AQR: variants seen among roughly 807,000 people sequenced by gnomAD.
AQR encodes the protein RNA helicase aquarius.
AQR carries 61 observed loss-of-function variants against 180.5 expected under a neutral mutation model. That is an observed-to-expected ratio of 0.34 (90% CI 0.28 to 0.42). The LOEUF (loss-of-function observed/expected upper bound fraction) is 0.42, where lower values mean the gene tolerates loss of function less well. AQR is among the 10% of genes least tolerant of loss of function. AQR has a pLI of 1.00. For synonymous variants in AQR, 551 were observed against 588.8 expected (o/e 0.94, Z 0.93); for missense variants, 1,281 against 1,798.3 (o/e 0.71, Z 5.20).
chr15:34,958,111 G>A (rs1244326230), intron 3 of AQR, among the ~76,000 whole-genome samples: 1 of 152,168 alleles, frequency 6.6e-6, no homozygotes, highest in Non-Finnish European at 1.5e-5. Context: ...GGGAGGCTGA[G>A]GCAGGGGAAT....
chr15:34,959,234 C>G (rs1894379859), intron 3 of AQR, among the ~76,000 whole-genome samples: 1 of 152,206 alleles, frequency 6.6e-6, no homozygotes, highest in Non-Finnish European at 1.5e-5. Context: ...ACAACTGTGG[C>G]TCACTGAACC....
Position 34,900,783 on chromosome 15 carries a change from A to G in AQR, c.2082T>C (p.Tyr694=), listed in dbSNP as rs373686197. Residue 694 remains tyrosine (Y), a synonymous_variant, in exon 20 of 35, where the codon TAT becomes TAC. Coordinates refer to ENST00000156471, the MANE Select transcript of AQR (RefSeq NM_014691.3). ...AATAATGTGCACTACTTGGGTCCCC[A>G]TAACCTAAAATGATATCGTGCAGCC... ...PDWLHDIILG[Y]GDPSSAHYSK... 7.0e-5 allele frequency: 113 copies of G among 1,614,088 alleles called. No homozygotes were observed. The highest frequency in any genetic ancestry group is 8.9e-5 in the Non-Finnish European group (105 of 1,180,028).
intron 32 of AQR, among the ~76,000 whole-genome samples, chr15:34,866,166 T>A (rs1402111642): frequency 6.6e-6 from 1 of 152,108 alleles, no homozygotes; most frequent in Non-Finnish European, 1.5e-5. Context: ...TATGAAAGAT[T>A]AGCTTTCTAA....
chr15:34,934,605 C>T lies in AQR; in HGVS notation c.749G>A (p.Cys250Tyr). 6.3e-7 allele frequency: 1 copy of T among 1,585,952 alleles called. No individual in the cohort carries two copies. The highest frequency in any genetic ancestry group is 8.5e-7 in the Non-Finnish European group (1 of 1,169,618). Residue 250 changes from cysteine to tyrosine, a missense_variant, in exon 10 of 35, where the codon TGT becomes TAT. By Grantham distance (194) the Cys-to-Tyr change is radical. This residue lies in a region of AQR where 404 missense variants were observed against 490.9 expected (regional missense o/e 0.82). Transcript: ENST00000156471. ...EPVTMDKVHY[C>Y]ERFIELMIDL... ...AATCATAAGTTCAATGAATCTTTCACAGTAATGAACTTTGTCCATAGTGAC... is the reference window on the plus strand; with the variant it reads ...AATCATAAGTTCAATGAATCTTTCATAGTAATGAACTTTGTCCATAGTGAC...
At chr15:34,874,114 T>A in intron 29 of AQR, 115 bp from the exon 30 acceptor site, 1 of 1,105,174 alleles carries the variant, frequency 9.0e-7, no homozygotes, top group Non-Finnish European at 1.2e-6. Context: ...ATGTTAGCCA[T>A]TTTGGCTCAT....
chr15:34,889,285 T>C (rs1212970314), intron 24 of AQR, among the ~76,000 whole-genome samples: 3 of 152,238 alleles, frequency 2.0e-5, no homozygotes, highest in African/African-American at 7.2e-5. Flanking sequence ...ACATAGTGAC[T>C]TTTTAGAAGC....
At chr15:34,863,711 G>T (rs1409497767) in intron 32 of AQR, among the ~76,000 whole-genome samples, 1 of 152,108 alleles carries the variant, frequency 6.6e-6, no homozygotes, top group Non-Finnish European at 1.5e-5. Context: ...AACTACACAT[G>T]TAGCTGGCTA....
chr15:34,902,523 T>C (rs1893347121), intron 19 of AQR, among the ~76,000 whole-genome samples: 1 of 152,092 alleles, frequency 6.6e-6, no homozygotes, highest in Non-Finnish European at 1.5e-5. Context: ...ATCCACAGGC[T>C]TTTTATGGCT....
At chr15:34,859,725 G>C (rs1892642376) in intron 34 of AQR, among the ~76,000 whole-genome samples, 2 of 152,294 alleles carry the variant, frequency 1.3e-5, no homozygotes, top group South Asian at 2.1e-4. Flanking sequence ...AGGGCAAGGA[G>C]GGATTACAAA....
intron 3 of AQR, among the ~76,000 whole-genome samples, chr15:34,957,414 TA>T (rs1457116547): frequency 6.6e-6 from 1 of 151,838 alleles, no homozygotes; most frequent in Non-Finnish European, 1.5e-5. Context: ...TACTTGGAAA[TA>T]AAAAATGTAG....
intron 22 of AQR, among the ~76,000 whole-genome samples, chr15:34,895,498 T>C (rs1464144793): frequency 6.6e-6 from 1 of 151,256 alleles, no homozygotes; most frequent in Non-Finnish European, 1.5e-5. Flanking sequence ...AGAAGTAAAA[T>C]GACAGAAAAA....
intron 16 of AQR, among the ~76,000 whole-genome samples, chr15:34,913,596 A>G (rs118068879): frequency 0.019 from 2,968 of 152,354 alleles, 45 homozygotes; most frequent in Non-Finnish European, 0.032. Context: ...TTTTATTAAC[A>G]GACCAAAAGA....
At chr15:34,940,524 C>G (rs999678600) in intron 8 of AQR, among the ~76,000 whole-genome samples, 3 of 151,798 alleles carry the variant, frequency 2.0e-5, no homozygotes, top group African/African-American at 7.3e-5. Context: ...GAGCGAAACT[C>G]CGTCTCAAAA....
chr15:34,856,324 T>C lies in AQR; in HGVS notation c.*468A>G. 2 of 383,374 alleles carry C rather than the reference T, an allele frequency of 5.2e-6. No homozygotes were observed. Among genetic ancestry groups the C allele is most frequent in the Non-Finnish European group, 9.2e-6 (2 of 217,538 alleles). 23.7% of individuals were successfully genotyped at this position (383,374 alleles called of 1,614,324 possible). A position where few individuals can be genotyped will look rare whatever the true frequency, so the allele number is the denominator to read the frequency against. ...AACCTGTATCTTACTGCTAATAATA[T>C]CTTTACATAAAGACAGCAAACAAAG... On this transcript the variant is annotated 3_prime_UTR_variant, in exon 35 of 35. Transcript: ENST00000156471.
In AQR at chr15:34,930,818, C is replaced by CTT. The variant is rs77229498; in HGVS notation, c.901-449_901-448dup. On this transcript the variant is annotated intron_variant, in intron 11 of 34. Coordinates refer to ENST00000156471, the MANE Select transcript of AQR (RefSeq NM_014691.3). ...GGAGATACTTTTTTATACGCCACTTCTTTTTTTTTTTTTTTTTTTTTTTTT... is the reference window on the plus strand; with the variant it reads ...GGAGATACTTTTTTATACGCCACTTCTTTTTTTTTTTTTTTTTTTTTTTTTTT... 5.0e-3 allele frequency among the ~76,000 whole-genome samples: 427 copies of CTT among 84,596 alleles called. 11 individuals are homozygous for CTT. Among genetic ancestry groups the CTT allele is most frequent in the African/African-American group, 0.011 (219 of 20,092 alleles). 55.5% of individuals were successfully genotyped at this position (84,596 alleles called of 152,430 possible).
Position 34,932,351 on chromosome 15 carries a change from A to T in AQR, c.867T>A (p.Val289=), listed in dbSNP as rs1212280337. 6.2e-7 allele frequency: 1 copy of T among 1,613,914 alleles called. No individual in the cohort carries two copies. The highest frequency in any genetic ancestry group is 1.1e-5 in the South Asian group (1 of 91,072). ...AAAGATGGCCATCCTCTTCTCTACG[A>T]ACAAGATTGGAAAGGTAACAGTGAA... ...LLVHCYLSNL[V]RREEDGHLFS... is the part of the protein sequence containing the mutation. Residue 289 remains valine (V), a synonymous_variant, in exon 11 of 35, where the codon GTT becomes GTA. Transcript: ENST00000156471.
chr15:34,863,164 C>T, intron 32 of AQR, 123 bp from the exon 33 acceptor site: 2 of 865,178 alleles, frequency 2.3e-6, no homozygotes, highest in Non-Finnish European at 1.7e-6. Context: ...AGTTAAGCTT[C>T]TTAAAAACTT....
chr15:34,919,500 T>G (rs1351410502), intron 14 of AQR, among the ~76,000 whole-genome samples: 1 of 152,230 alleles, frequency 6.6e-6, no homozygotes, highest in African/African-American at 2.4e-5. Context: ...AAAATTATTT[T>G]CTTTTGTTGG....
At chr15:34,902,118 T>A (rs1333626084) in intron 19 of AQR, among the ~76,000 whole-genome samples, 3 of 152,100 alleles carry the variant, frequency 2.0e-5, no homozygotes, top group African/African-American at 7.2e-5. Flanking sequence ...GCATTTTTAT[T>A]GAACTCAAGT....
Sources: gnomAD v4.1 joint callset for allele counts (sites outside exome capture counted in the v4.1 genomes callset) on GRCh38, gnomAD v4.1.1 for gene constraint, gnomAD v4.1.1 regional missense constraint, MANE v1.5 for transcripts, NCBI Gene and HGNC (gene_info 2026-07-23, HGNC 2026-07-21) for gene names.